The following SDC3 variants were observed in gnomAD, a reference collection of about 807,000 sequenced individuals.
The protein encoded by SDC3 is syndecan-3.
SDC3 carries 13 observed loss-of-function variants against 24.4 expected under a neutral mutation model. The ratio of observed to expected loss-of-function variants is 0.53; its 90% CI spans 0.35 to 0.85. The LOEUF is 0.85. SDC3 is among the 40% of genes least tolerant of loss of function. The pLI is 0.01. For missense variants in SDC3, 571 were observed against 584.5 expected, an observed-to-expected ratio of 0.98 and a Z score of 0.24; for synonymous variants, 295 against 260.9, an observed-to-expected ratio of 1.13 and a Z score of -1.26.
At chr1:30,881,954 A>G (rs1162601962) in intron 1 of SDC3, among the ~76,000 whole-genome samples, 1 of 152,156 alleles carries the variant, frequency 6.6e-6, no homozygotes, top group Non-Finnish European at 1.5e-5. Flanking sequence ...TCAACTCGGC[A>G]ATGCCCACAG....
intron 1 of SDC3, among the ~76,000 whole-genome samples, chr1:30,881,027 G>GCACACACACACACA (rs146814082): frequency 7.4e-6 from 1 of 134,590 alleles, no homozygotes; most frequent in Non-Finnish European, 1.6e-5. Flanking sequence ...GCGCACGCAT[G>GCACACACACACACA]CACACACACA....
intron 2 of SDC3, 112 bp downstream of exon 2, chr1:30,878,511 C>A: frequency 1.3e-6 from 1 of 779,462 alleles, no homozygotes; most frequent in Non-Finnish European, 2.2e-6. Context: ...CTGACCCAGG[C>A]AGTGAATGCC....
intron 1 of SDC3, 173 bp from the exon 2 acceptor site, chr1:30,878,913 G>T: frequency 1.7e-6 from 1 of 585,210 alleles, no homozygotes; most frequent in East Asian, 2.8e-5. Context: ...GGCAGGGGTG[G>T]GGTGTGGCAA....
Position 30,874,287 on chromosome 1 carries a change from C to A in SDC3, c.1162+10G>T. ...CCCAGGCTCCCCTTGGCCCAGACCCCAAGCCTCACCTACGAGCACCTCCTT... is the reference window on the plus strand; with the variant it reads ...CCCAGGCTCCCCTTGGCCCAGACCCAAAGCCTCACCTACGAGCACCTCCTT... On this transcript the variant is annotated intron_variant, in intron 4 of 4. Coordinates refer to ENST00000339394, the MANE Select transcript of SDC3 (RefSeq NM_014654.4). 3 of 1,597,564 alleles carry A rather than the reference C, an allele frequency of 1.9e-6. No individual in the cohort carries two copies. The highest frequency in any genetic ancestry group is 2.6e-6 in the Non-Finnish European group (3 of 1,172,256).
rs961944549 is a variant in SDC3 at position 30,874,365 on chromosome 1, A to T, written c.1094T>A (p.Ile365Asn). Residue 365 changes from isoleucine to asparagine, a missense_variant, in exon 4 of 5, where the codon ATC becomes AAC. By Grantham distance (149) the Ile-to-Asn change is moderately radical. Around this residue, in one of 2 missense-constraint regions of SDC3, gnomAD observed 74 missense variants for 112.9 expected, o/e 0.66. Coordinates refer to ENST00000339394, the MANE Select transcript of SDC3 (RefSeq NM_014654.4). Reference sequence around the variant, plus strand: ...CTGAGCAGCTGAGCTGCCCGAGTCGATGGCATTGTCCAGGAGGCCAGGGCC... The same window carrying T: ...CTGAGCAGCTGAGCTGCCCGAGTCGTTGGCATTGTCCAGGAGGCCAGGGCC... Reference protein sequence around the residue: ...RPGPGLLDNAIDSGSSAAQLP... With the variant: ...RPGPGLLDNANDSGSSAAQLP... 15 of 1,613,806 alleles carry T rather than the reference A, an allele frequency of 9.3e-6. No homozygotes were observed. The African/African-American group carries it at 1.3e-4, about 14-fold the overall frequency.
rs941362354 is a variant in SDC3 at position 30,908,601 on chromosome 1, C to CGCGGGCG, written c.-22_-16dup. 6,003 of 966,024 alleles carry CGCGGGCG rather than the reference C, an allele frequency of 6.2e-3. 31 individuals are homozygous for CGCGGGCG. The highest frequency in any genetic ancestry group is 6.8e-3 in the Non-Finnish European group (5,547 of 816,676). The allele number at this position is 966,024 out of a possible 1,614,324, so 59.8% of individuals were successfully genotyped here. On this transcript the variant is annotated 5_prime_UTR_variant, in exon 1 of 5. Coordinates refer to ENST00000339394, the MANE Select transcript of SDC3 (RefSeq NM_014654.4). Reference sequence around the variant, plus strand: ...CCCGGCTTCATGGCGGCGGCGCGGGCGCGGGCGGCGGGCGGCGGGCGGGCG... The same window carrying CGCGGGCG: ...CCCGGCTTCATGGCGGCGGCGCGGGCGCGGGCGGCGGGCGGCGGGCGGCGGGCGGGCG...
chr1:30,875,550 G>A (rs1164870679), intron 3 of SDC3, among the ~76,000 whole-genome samples: 1 of 152,102 alleles, frequency 6.6e-6, no homozygotes, highest in East Asian at 1.9e-4. Context: ...AGCTGCAGAG[G>A]GCTCTGGCAC....
At chr1:30,896,136 G>T (rs1171352164) in intron 1 of SDC3, among the ~76,000 whole-genome samples, 1 of 152,208 alleles carries the variant, frequency 6.6e-6, no homozygotes, top group Non-Finnish European at 1.5e-5. Context: ...TGGGGAGAAA[G>T]GACCAAATGT....
chr1:30,891,427 G>C (rs1639901949), intron 1 of SDC3, among the ~76,000 whole-genome samples: 1 of 152,214 alleles, frequency 6.6e-6, no homozygotes, highest in Non-Finnish European at 1.5e-5. Context: ...GGCTAGGCCT[G>C]GGCTGGAGCT....
chr1:30,888,271 G>T (rs1030336447), intron 1 of SDC3, among the ~76,000 whole-genome samples: 4 of 152,222 alleles, frequency 2.6e-5, no homozygotes, highest in Non-Finnish European at 5.9e-5. Context: ...AGGGAGAGCA[G>T]GCAGGGTGGG....
intron 1 of SDC3, among the ~76,000 whole-genome samples, chr1:30,898,076 A>C (rs56198928): frequency 0.78 from 118,382 of 151,606 alleles, 47,156 homozygotes; most frequent in African/African-American, 0.93. Flanking sequence ...ACTGTTCAGA[A>C]CAAGAACTGA....
At chr1:30,900,488 C>T (rs1268921000) in intron 1 of SDC3, among the ~76,000 whole-genome samples, 1 of 152,176 alleles carries the variant, frequency 6.6e-6, no homozygotes, top group Non-Finnish European at 1.5e-5. Context: ...AAGACTGACA[C>T]AGGCACCTAT....
chr1:30,897,892 T>C (rs918314391), intron 1 of SDC3, among the ~76,000 whole-genome samples: 3 of 152,206 alleles, frequency 2.0e-5, no homozygotes, highest in African/African-American at 7.2e-5. Context: ...TGGCAGGCAC[T>C]CAATGGGCAG....
chr1:30,904,291 T>C (rs1437636450), intron 1 of SDC3, among the ~76,000 whole-genome samples: 1 of 152,052 alleles, frequency 6.6e-6, no homozygotes. Flanking sequence ...AAGGATGAAA[T>C]AAGCCGATAC....
At chr1:30,909,294 C>T (rs1454702037), upstream of SDC3, among the ~76,000 whole-genome samples, 1 of 152,190 alleles carries the variant, frequency 6.6e-6, no homozygotes, top group Admixed American at 6.5e-5. Context: ...GGGCCCGGCC[C>T]TCTCTGGGCC....
chr1:30,877,315 G>A (rs1639662978), intron 2 of SDC3, 150 bp from the exon 3 acceptor site: 3 of 1,056,766 alleles, frequency 2.8e-6, no homozygotes, highest in African/African-American at 3.2e-5. Context: ...AAAGGAGGAA[G>A]GCACAGCCCA....
intron 1 of SDC3, among the ~76,000 whole-genome samples, chr1:30,880,354 G>C (rs1639724823): frequency 6.7e-6 from 1 of 148,866 alleles, no homozygotes; most frequent in Non-Finnish European, 1.5e-5. Flanking sequence ...GGAGGCCAGG[G>C]GGCAGAGGGG....
Position 30,869,666 on chromosome 1 carries a change from T to C in SDC3, c.*3545A>G, listed in dbSNP as rs1186189591. 1 of 398,410 alleles carries C rather than the reference T, an allele frequency of 2.5e-6. No homozygotes were observed. The highest frequency in any genetic ancestry group is 4.4e-6 in the Non-Finnish European group (1 of 226,098). The allele number at this position is 398,410 out of a possible 1,614,324, so 24.7% of individuals were successfully genotyped here. A position where few individuals can be genotyped will look rare whatever the true frequency, so the allele number is the denominator to read the frequency against. On this transcript the variant is annotated 3_prime_UTR_variant, in exon 5 of 5. Coordinates refer to ENST00000339394, the MANE Select transcript of SDC3 (RefSeq NM_014654.4). ...CACTGTCTTTTTCTTTTGTTTTTCT[T>C]ATTTAAGGTTTTGGCCATGAACTCA...
In SDC3 at chr1:30,902,794, C is replaced by T. The variant is rs377208219; in HGVS notation, c.138+5655G>A. Among the ~76,000 whole-genome samples the T allele has an allele frequency of 1.6e-4, 24 of 152,330 alleles. No individual in the cohort carries two copies. The East Asian group carries it at 2.7e-3, about 17-fold the overall frequency. ...AGGCCCGCCCGATGCAGCCCCCTGG[C>T]GCCTCCCAGCCCACGGGCACATGCC... On this transcript the variant is annotated intron_variant, in intron 1 of 4. Coordinates refer to ENST00000339394, the MANE Select transcript of SDC3 (RefSeq NM_014654.4).
Sources: gnomAD v4.1 joint callset for allele counts (sites outside exome capture counted in the v4.1 genomes callset) on GRCh38, gnomAD v4.1.1 for gene constraint, gnomAD v4.1.1 regional missense constraint, MANE v1.5 for transcripts, NCBI Gene and HGNC (gene_info 2026-07-23, HGNC 2026-07-21) for gene names.